The following SNUPN variants were observed in gnomAD, a reference collection of about 807,000 sequenced individuals.
SNUPN encodes the protein snurportin-1.
A neutral mutation model predicts 39.2 loss-of-function variants in SNUPN; 31 were observed. The observed-to-expected ratio is 0.79, with a 90% CI of 0.59 to 1.07. SNUPN has a LOEUF of 1.07. Ranked by LOEUF, SNUPN falls within the 50% of genes least tolerant of loss-of-function variation. The probability of loss-of-function intolerance (pLI) is 0.00; values close to 1 mark genes in which losing one functional copy is unlikely to be tolerated. For missense variants in SNUPN, 382 were observed against 434.2 expected (o/e 0.88, Z 1.07); for synonymous variants, 132 against 159.0 (o/e 0.83, Z 1.28).
chr15:75,609,932 G>C lies in SNUPN; in HGVS notation c.366C>G (p.Val122=). The stretch of plus-strand genomic sequence containing the variant: ...GGGCTCTTTTTCCAACAGGGCACAC[G>C]ACCACAATCCATTCCTGCCCCAAAT... ...PSDLGQEWIV[V]VCPVGKRALI... The change falls in exon 4 of 9, where the codon GTC becomes GTG. Residue 122 remains valine (V), a synonymous_variant. Coordinates refer to ENST00000308588, the MANE Select transcript of SNUPN (RefSeq NM_005701.4). 2 of 1,613,994 alleles carry C rather than the reference G, an allele frequency of 1.2e-6. No individual in the cohort carries two copies. Among genetic ancestry groups the C allele is most frequent in the Non-Finnish European group, 1.7e-6 (2 of 1,179,984 alleles).
intron 8 of SNUPN, among the ~76,000 whole-genome samples, chr15:75,598,900 G>A (rs1343474313): frequency 1.3e-5 from 2 of 152,222 alleles, no homozygotes; most frequent in East Asian, 3.9e-4. Flanking sequence ...GGGCGTGGTG[G>A]CTCATGCTTA....
chr15:75,611,036 C>T (rs935908507), intron 3 of SNUPN, among the ~76,000 whole-genome samples: 1 of 151,776 alleles, frequency 6.6e-6, no homozygotes, highest in African/African-American at 2.4e-5. Flanking sequence ...GGCGTGTTGG[C>T]GGGCACCTAT....
At chr15:75,625,952 C>T (rs1436187497), upstream of SNUPN, 2 of 146,478 alleles carry the variant, frequency 1.4e-5, no homozygotes, top group African/African-American at 4.8e-5. Context: ...TGCTAGATGA[C>T]TTGACCAGGC....
intron 2 of SNUPN, among the ~76,000 whole-genome samples, chr15:75,620,426 C>A (rs577858425): frequency 6.6e-6 from 1 of 152,246 alleles, no homozygotes; most frequent in African/African-American, 2.4e-5. Context: ...GAAGACATTT[C>A]CTCAGATTCC....
At chr15:75,602,180 C>G (rs959187310) in intron 7 of SNUPN, among the ~76,000 whole-genome samples, 2 of 152,004 alleles carry the variant, frequency 1.3e-5, no homozygotes, top group African/African-American at 2.4e-5. Flanking sequence ...TGCACTCCAA[C>G]CTGGGTGACA....
intron 1 of SNUPN, among the ~76,000 whole-genome samples, chr15:75,623,925 A>AT (rs144317163): frequency 0.18 from 21,797 of 118,442 alleles, 2,573 homozygotes; most frequent in Non-Finnish European, 0.26. Flanking sequence ...TCATGATAAA[A>AT]TTTTTTTTTT....
intron 8 of SNUPN, among the ~76,000 whole-genome samples, chr15:75,600,191 G>T (rs2075274506): frequency 3.9e-5 from 6 of 152,008 alleles, no homozygotes. Flanking sequence ...AAATGTGCTT[G>T]TTGAGCCTAG....
At chr15:75,616,449 ACT>A (rs2141374892) in intron 3 of SNUPN, among the ~76,000 whole-genome samples, 1 of 150,082 alleles carries the variant, frequency 6.7e-6, no homozygotes, top group South Asian at 2.1e-4. Context: ...CAAGAGCAAA[ACT>A]CTGTCTCAAA....
chr15:75,617,263 C>T (rs1378480535), intron 3 of SNUPN, 145 bp downstream of exon 3: 11 of 808,664 alleles, frequency 1.4e-5, no homozygotes, highest in East Asian at 4.9e-5. Context: ...ATATGATCTA[C>T]GTACACTGGC....
At chr15:75,623,873 T>C (rs1241357022) in intron 1 of SNUPN, among the ~76,000 whole-genome samples, 1 of 152,134 alleles carries the variant, frequency 6.6e-6, no homozygotes, top group Non-Finnish European at 1.5e-5. Flanking sequence ...ATGTATGCTA[T>C]TGTCTCTACT....
intron 6 of SNUPN, among the ~76,000 whole-genome samples, chr15:75,606,818 C>T (rs2075334557): frequency 6.6e-6 from 1 of 152,026 alleles, no homozygotes; most frequent in Admixed American, 6.6e-5. Context: ...TAGATGGTGA[C>T]TTACATTCAA....
intron 1 of SNUPN, 46 bp from the exon 2 acceptor site, chr15:75,621,102 C>T: frequency 1.9e-6 from 3 of 1,577,440 alleles, no homozygotes; most frequent in Non-Finnish European, 2.6e-6. Flanking sequence ...TTCATATCAT[C>T]TCCTGTATAC....
chr15:75,623,925 A>ATTTT (rs144317163), intron 1 of SNUPN, among the ~76,000 whole-genome samples: 5 of 118,396 alleles, frequency 4.2e-5, no homozygotes, highest in Admixed American at 1.8e-4. Flanking sequence ...TCATGATAAA[A>ATTTT]TTTTTTTTTT....
intron 7 of SNUPN, among the ~76,000 whole-genome samples, chr15:75,603,045 G>A (rs1172647350): frequency 6.7e-6 from 1 of 150,244 alleles, no homozygotes; most frequent in African/African-American, 2.4e-5. Flanking sequence ...CACTGTGCCT[G>A]GCCCAGGTAT....
At chr15:75,602,754 C>T (rs1286289336) in intron 7 of SNUPN, among the ~76,000 whole-genome samples, 2 of 151,746 alleles carry the variant, frequency 1.3e-5, no homozygotes, top group South Asian at 2.1e-4. Flanking sequence ...TATAGGTGCA[C>T]GCCACCATGC....
intron 8 of SNUPN, among the ~76,000 whole-genome samples, chr15:75,599,863 A>G (rs1445443355): frequency 7.0e-6 from 1 of 143,456 alleles, no homozygotes; most frequent in Non-Finnish European, 1.5e-5. Flanking sequence ...TCTTTCTGAG[A>G]TGGAGTTTCG....
intron 3 of SNUPN, 82 bp from the exon 4 acceptor site, chr15:75,610,076 T>C (rs1258294221): frequency 8.6e-6 from 9 of 1,047,046 alleles, no homozygotes; most frequent in Non-Finnish European, 1.3e-5. Flanking sequence ...TAATATCCTG[T>C]GTGTATATTA....
intron 8 of SNUPN, 163 bp downstream of exon 8, chr15:75,600,975 C>T (rs554544725): frequency 1.3e-5 from 8 of 599,600 alleles, no homozygotes; most frequent in Non-Finnish European, 2.1e-5. Context: ...GGGTGGAGCT[C>T]AGGCTCTGAA....
intron 8 of SNUPN, among the ~76,000 whole-genome samples, chr15:75,599,797 T>G (rs1256731053): frequency 6.6e-6 from 1 of 151,982 alleles, no homozygotes; most frequent in Non-Finnish European, 1.5e-5. Context: ...TATATAAAAT[T>G]ACATCCAGTT....
Sources: gnomAD v4.1 joint callset for allele counts (sites outside exome capture counted in the v4.1 genomes callset) on GRCh38, gnomAD v4.1.1 for gene constraint, MANE v1.5 for transcripts, NCBI Gene and HGNC (gene_info 2026-07-23, HGNC 2026-07-21) for gene names.